OPRM1: variants seen among roughly 807,000 people sequenced by gnomAD.
OPRM1 encodes mu-type opioid receptor.
Under a neutral mutation model 31.8 loss-of-function variants are expected in OPRM1, and 27 were observed. The ratio of observed to expected loss-of-function variants is 0.85; its 90% CI spans 0.63 to 1.17. The LOEUF (loss-of-function observed/expected upper bound fraction) is 1.17. Ranked by LOEUF, OPRM1 falls within the 50% of genes most tolerant of loss-of-function variation. The pLI, the probability that OPRM1 is intolerant of heterozygous loss-of-function variation, is 0.00. For missense variants in OPRM1, 536 were observed against 511.1 expected (o/e 1.05, Z -0.47); for synonymous variants, 196 against 189.9 (o/e 1.03, Z -0.26).
At chr6:154,203,095 A>C (rs1015489760) in intron 3 of OPRM1, among the ~76,000 whole-genome samples, 8 of 152,216 alleles carry the variant, frequency 5.3e-5, no homozygotes, top group African/African-American at 1.9e-4. Flanking sequence ...GGAGAAACCA[A>C]TAGCCAACAT....
rs1382118789 is a variant in OPRM1, at chr6:154,109,782, CTCTCTCTCTCTGTGTGTGTGTGTG to C, written c.1165-8899_1165-8876del. 1.6e-4 allele frequency among the ~76,000 whole-genome samples: 19 copies of C among 119,712 alleles called. No individual in the cohort carries two copies. In the South Asian group the frequency reaches 1.8e-3, roughly 11 times the overall value. The allele number at this position is 119,712 out of a possible 152,430, so 78.5% of individuals were successfully genotyped here. A position where few individuals can be genotyped will look rare whatever the true frequency, so the allele number is the denominator to read the frequency against. On this transcript the variant is annotated intron_variant, in intron 3 of 3. Coordinates refer to ENST00000330432, the MANE Select transcript of OPRM1 (RefSeq NM_000914.5). ...ACTCTCTCTCCCTCTCTCTCTCTCT[CTCTCTCTCTCTGTGTGTGTGTGTG>C]TGTGTGTGTGTGTGTGTGTGTGTGT...
At chr6:154,221,145 G>A in intron 3 of OPRM1, 1 of 760,342 alleles carries the variant, frequency 1.3e-6, no homozygotes, top group South Asian at 2.0e-5. Context: ...AATCCTTAAA[G>A]TAACAGAAAT....
Position 154,100,074 on chromosome 6 carries a change from TATC to T in OPRM1, c.1164+8605_1164+8607del, listed in dbSNP as rs1298845411. 2.4e-5 allele frequency among the ~76,000 whole-genome samples: 3 copies of T among 126,200 alleles called. 1 individual carries two copies. The East Asian group carries it at 7.2e-4, about 30-fold the overall frequency. The allele number at this position is 126,200 out of a possible 152,430, so 82.8% of individuals were successfully genotyped here. On this transcript the variant is annotated intron_variant, in intron 3 of 3. Transcript: ENST00000330432. ...ATCATATGATATATATCATGATATA[TATC>T]ATATTATATATTATCATATTATGAT...
intron 1 of OPRM1, among the ~76,000 whole-genome samples, chr6:154,054,365 C>CT (rs1234807993): frequency 9.2e-6 from 1 of 109,260 alleles, no homozygotes; most frequent in Non-Finnish European, 1.8e-5. Flanking sequence ...GAGACTCCGT[C>CT]TCAAAAAAAA....
chr6:154,099,541 A>AG (rs1794128783), intron 3 of OPRM1, among the ~76,000 whole-genome samples: 1 of 150,966 alleles, frequency 6.6e-6, no homozygotes, highest in Non-Finnish European at 1.5e-5. Flanking sequence ...AAAGAGAGAG[A>AG]GGGAGAGAGG....
At chr6:154,110,246 A>C in intron 3 of OPRM1, 2 of 591,754 alleles carry the variant, frequency 3.4e-6, no homozygotes, top group South Asian at 4.8e-5. Flanking sequence ...TTACAAGAAA[A>C]AAATCTATGT....
At chr6:154,078,015 C>T (rs1788265815) in intron 1 of OPRM1, among the ~76,000 whole-genome samples, 1 of 152,096 alleles carries the variant, frequency 6.6e-6, no homozygotes, top group African/African-American at 2.4e-5. Context: ...CAAATTTGAC[C>T]ACTATAGACT....
At chr6:154,227,966 G>C (rs1779395155) in intron 3 of OPRM1, among the ~76,000 whole-genome samples, 1 of 137,992 alleles carries the variant, frequency 7.2e-6, no homozygotes, top group Admixed American at 7.9e-5. Flanking sequence ...GTCAAAAAAT[G>C]GTCCTTGCTT....
At chr6:154,146,975 T>G (rs138237304) in intron 3 of OPRM1, among the ~76,000 whole-genome samples, 1 of 152,302 alleles carries the variant, frequency 6.6e-6, no homozygotes, top group African/African-American at 2.4e-5. Flanking sequence ...TGAGGGCAGC[T>G]CTGAAGTCCA....
chr6:154,195,288 C>T (rs1272708350), intron 3 of OPRM1, among the ~76,000 whole-genome samples: 1 of 151,886 alleles, frequency 6.6e-6, no homozygotes, highest in Non-Finnish European at 1.5e-5. Context: ...GGTGGGACTA[C>T]AGGCGCCCGC....
intron 3 of OPRM1, among the ~76,000 whole-genome samples, chr6:154,101,302 T>A (rs1377245552): frequency 2.0e-5 from 3 of 152,158 alleles, no homozygotes; most frequent in Non-Finnish European, 2.9e-5. Flanking sequence ...TGTTCTTATA[T>A]TCAAAATTCC....
intron 3 of OPRM1, among the ~76,000 whole-genome samples, chr6:154,208,918 G>A (rs1370270113): frequency 3.3e-5 from 5 of 152,204 alleles, no homozygotes; most frequent in African/African-American, 7.2e-5. Flanking sequence ...CTGCCCACTT[G>A]CAACTTCTTT....
At chr6:154,150,170 G>C (rs745967165) in intron 3 of OPRM1, among the ~76,000 whole-genome samples, 7 of 152,178 alleles carry the variant, frequency 4.6e-5, no homozygotes, top group Non-Finnish European at 1.0e-4. Flanking sequence ...CATTTTCCAG[G>C]CTTTCAAGGA....
chr6:154,054,707 T>A (rs538205496), intron 1 of OPRM1, among the ~76,000 whole-genome samples: 37 of 152,358 alleles, frequency 2.4e-4, no homozygotes, highest in African/African-American at 8.4e-4. Context: ...TCATCTCTCT[T>A]CAGAGTAGGC....
At chr6:154,117,989 C>T (rs1797056302) in intron 3 of OPRM1, among the ~76,000 whole-genome samples, 2 of 152,056 alleles carry the variant, frequency 1.3e-5, no homozygotes, top group South Asian at 2.1e-4. Context: ...TACCCTTTTA[C>T]GCTTCCTATA....
Position 154,039,510 on chromosome 6 carries a change from C to T in OPRM1, c.-35C>T, listed in dbSNP as rs370868117. On this transcript the variant is annotated 5_prime_UTR_variant, in exon 1 of 4. Transcript: ENST00000330432. ...CGAAAAGTCTCGGTGCTCCTGGCTACCTCGCACAGCGGTGCCCGCCCGGCC... is the reference window on the plus strand; with the variant it reads ...CGAAAAGTCTCGGTGCTCCTGGCTATCTCGCACAGCGGTGCCCGCCCGGCC... The T allele has an allele frequency of 1.9e-6, 3 of 1,586,786 alleles. No homozygotes were observed. Among genetic ancestry groups the T allele is most frequent in the South Asian group, 1.1e-5 (1 of 87,360 alleles).
intron 3 of OPRM1, among the ~76,000 whole-genome samples, chr6:154,113,527 C>T (rs1331701870): frequency 6.6e-6 from 1 of 152,118 alleles, no homozygotes; most frequent in African/African-American, 2.4e-5. Context: ...GGCAGGGTCG[C>T]CAAGTACTTG....
chr6:154,218,336 A>G (rs1298584815), intron 3 of OPRM1, among the ~76,000 whole-genome samples: 1 of 152,240 alleles, frequency 6.6e-6, no homozygotes, highest in Non-Finnish European at 1.5e-5. Context: ...GAACTCTTTC[A>G]TTACCCTTAA....
At chr6:154,214,518 G>A (rs1778228866) in intron 3 of OPRM1, among the ~76,000 whole-genome samples, 1 of 152,178 alleles carries the variant, frequency 6.6e-6, no homozygotes, top group Non-Finnish European at 1.5e-5. Context: ...GTTCATGAGG[G>A]CAGCTAAATT....
Sources: gnomAD v4.1 joint callset for allele counts (sites outside exome capture counted in the v4.1 genomes callset) on GRCh38, gnomAD v4.1.1 for gene constraint, MANE v1.5 for transcripts, NCBI Gene and HGNC (gene_info 2026-07-23, HGNC 2026-07-21) for gene names.